Variants in ARL15 observed in about 807,000 individuals in gnomAD.
ARL15 encodes the protein ADP-ribosylation factor-like protein 15.
ARL15 carries 19 observed loss-of-function variants against 25.2 expected under a neutral mutation model. That is an observed-to-expected ratio of 0.75 (90% CI 0.53 to 1.10). ARL15 has a LOEUF of 1.10. Among genes scored for constraint, ARL15 ranks in the 50% least tolerant of loss-of-function variants. The pLI is 0.00. For synonymous variants in ARL15, 94 were observed against 86.8 expected (o/e 1.08, Z -0.46); for missense variants, 220 against 246.0 (o/e 0.89, Z 0.71).
At chr5:54,189,947 T>C (rs1404734436) in intron 1 of ARL15, among the ~76,000 whole-genome samples, 3 of 152,184 alleles carry the variant, frequency 2.0e-5, no homozygotes, top group African/African-American at 2.4e-5. Flanking sequence ...CTGGAATATG[T>C]AGACAACTCC....
chr5:54,033,621 G>A (rs1262053169), intron 4 of ARL15, among the ~76,000 whole-genome samples: 1 of 149,682 alleles, frequency 6.7e-6, no homozygotes, highest in Non-Finnish European at 1.5e-5. Flanking sequence ...GCAGTGATCC[G>A]AGATCGAGCC....
intron 4 of ARL15, chr5:53,887,433 G>A (rs1239339213): frequency 4.3e-6 from 3 of 696,554 alleles, no homozygotes; most frequent in Admixed American, 2.0e-5. Flanking sequence ...TGAAAAACCT[G>A]TTCAATTAAT....
At chr5:54,110,346 T>C (rs1752704541) in intron 4 of ARL15, among the ~76,000 whole-genome samples, 1 of 152,008 alleles carries the variant, frequency 6.6e-6, no homozygotes, top group South Asian at 2.1e-4. Flanking sequence ...CATCAACCAA[T>C]AGTGTGTTTG....
At chr5:53,929,369 C>A (rs1746129882) in intron 4 of ARL15, among the ~76,000 whole-genome samples, 1 of 152,090 alleles carries the variant, frequency 6.6e-6, no homozygotes, top group South Asian at 2.1e-4. Flanking sequence ...CCCGAATATG[C>A]ATTTCTCTTA....
At chr5:54,278,568 T>A (rs545309844) in intron 1 of ARL15, among the ~76,000 whole-genome samples, 1 of 152,376 alleles carries the variant, frequency 6.6e-6, no homozygotes, top group African/African-American at 2.4e-5. Flanking sequence ...GAAGTGGAGT[T>A]ATCTCCTTGG....
At chr5:54,157,288 A>G (rs1408688174) in intron 2 of ARL15, among the ~76,000 whole-genome samples, 1 of 152,252 alleles carries the variant, frequency 6.6e-6, no homozygotes, top group Non-Finnish European at 1.5e-5. Context: ...TTTGAAATTT[A>G]TTAACCCAAC....
At chr5:54,222,664 T>C (rs924198939) in intron 1 of ARL15, among the ~76,000 whole-genome samples, 2 of 152,168 alleles carry the variant, frequency 1.3e-5, no homozygotes, top group Admixed American at 1.3e-4. Context: ...TCTTTCCCAT[T>C]CCACTCTCGG....
At chr5:54,268,255 G>A (rs529627143) in intron 1 of ARL15, among the ~76,000 whole-genome samples, 3,731 of 151,890 alleles carry the variant, frequency 0.025, 143 homozygotes, top group African/African-American at 0.086. Context: ...CCAGTTGATC[G>A]CATCGGCTCC....
chr5:54,205,496 G>A (rs1755844272), intron 1 of ARL15, among the ~76,000 whole-genome samples: 1 of 152,204 alleles, frequency 6.6e-6, no homozygotes, highest in Admixed American at 6.5e-5. Flanking sequence ...CAACGTCCCA[G>A]AATCATTGCC....
At chr5:53,978,622 C>CAAAAAAAAAAAAAAAAAAA (rs147288475) in intron 4 of ARL15, among the ~76,000 whole-genome samples, 7 of 74,564 alleles carry the variant, frequency 9.4e-5, no homozygotes, top group Non-Finnish European at 1.5e-4. Context: ...CCTGTCTCTA[C>CAAAAAAAAAAAAAAAAAAA]AAAAAAAAAA....
At chr5:54,227,510 C>G (rs988559444) in intron 1 of ARL15, among the ~76,000 whole-genome samples, 1 of 152,222 alleles carries the variant, frequency 6.6e-6, no homozygotes, top group Non-Finnish European at 1.5e-5. Context: ...AACGCTGAGT[C>G]TGGCAGAAAC....
At chr5:54,212,366 T>C (rs1033463968) in intron 1 of ARL15, among the ~76,000 whole-genome samples, 3 of 151,986 alleles carry the variant, frequency 2.0e-5, no homozygotes, top group African/African-American at 4.8e-5. Context: ...AAAAGGAAGG[T>C]AGAAAAGGGA....
intron 4 of ARL15, among the ~76,000 whole-genome samples, chr5:53,988,305 GA>G (rs1283664158): frequency 4.4e-5 from 4 of 91,076 alleles, no homozygotes; most frequent in Non-Finnish European, 9.3e-5. Context: ...GTCTCAAAAA[GA>G]AAAAAAGAAA....
intron 4 of ARL15, among the ~76,000 whole-genome samples, chr5:53,898,506 T>G (rs1036016869): frequency 1.3e-5 from 2 of 152,196 alleles, no homozygotes; most frequent in Non-Finnish European, 2.9e-5. Context: ...TTCTATTACT[T>G]CTTGAGTAAA....
intron 4 of ARL15, among the ~76,000 whole-genome samples, chr5:53,930,341 C>T (rs1746159775): frequency 6.6e-6 from 1 of 152,164 alleles, no homozygotes; most frequent in East Asian, 1.9e-4. Flanking sequence ...GCCAACATTT[C>T]TTGGTCACCT....
chr5:54,174,899 A>G (rs1249899297), intron 1 of ARL15, among the ~76,000 whole-genome samples: 1 of 152,212 alleles, frequency 6.6e-6, no homozygotes, highest in Non-Finnish European at 1.5e-5. Context: ...CTAGTCACAC[A>G]GTTTCTTTTA....
In ARL15 at chr5:54,310,568, A is replaced by G. The variant is rs938262542; in HGVS notation, c.-89T>C. 5.6e-6 allele frequency: 8 copies of G among 1,434,662 alleles called. No individual in the cohort carries two copies. The highest frequency in any genetic ancestry group is 4.3e-5 in the African/African-American group (3 of 69,202). The allele number at this position is 1,434,662 out of a possible 1,614,324, so 88.9% of individuals were successfully genotyped here. A position where few individuals can be genotyped will look rare whatever the true frequency, so the allele number is the denominator to read the frequency against. ...CGAGCGAGCAGCTCCTGAAAAAGCC[A>G]GCAACAGCGAAAATAGCCGAAAGCA... On this transcript the variant is annotated 5_prime_UTR_variant, in exon 1 of 5. Coordinates refer to ENST00000504924, the MANE Select transcript of ARL15 (RefSeq NM_019087.3).
rs1752805428 is a variant in ARL15 at position 54,113,514 on chromosome 5, T to G, written c.254-104A>C. ...GGAAACCAATGTACCTTTTAAAAAT[T>G]AAGTGCTAAACTCTGTGGTATGGAT... On this transcript the variant is annotated intron_variant, in intron 3 of 4. Coordinates refer to ENST00000504924, the MANE Select transcript of ARL15 (RefSeq NM_019087.3). 2.8e-6 allele frequency: 3 copies of G among 1,065,720 alleles called. No homozygotes were observed. In the Admixed American group the frequency reaches 7.6e-5, roughly 27 times the overall value. The allele number at this position is 1,065,720 out of a possible 1,614,324, so 66.0% of individuals were successfully genotyped here. A position where few individuals can be genotyped will look rare whatever the true frequency, so the allele number is the denominator to read the frequency against.
At chr5:53,978,195 C>A (rs1338135736) in intron 4 of ARL15, among the ~76,000 whole-genome samples, 1 of 152,088 alleles carries the variant, frequency 6.6e-6, no homozygotes, top group African/African-American at 2.4e-5. Context: ...ATATACAATG[C>A]TTTAAGTCAC....
Sources: gnomAD v4.1 joint callset for allele counts (sites outside exome capture counted in the v4.1 genomes callset) on GRCh38, gnomAD v4.1.1 for gene constraint, MANE v1.5 for transcripts, NCBI Gene and HGNC (gene_info 2026-07-23, HGNC 2026-07-21) for gene names.